ADK: variants seen among roughly 807,000 people sequenced by gnomAD.
The protein encoded by ADK is N6,N6-dimethyladenosine kinase.
Under a neutral mutation model 44.7 loss-of-function variants are expected in ADK, and 24 were observed. The observed-to-expected ratio is 0.54, with a 90% CI of 0.39 to 0.76. The LOEUF (loss-of-function observed/expected upper bound fraction) is 0.76, where lower values mean the gene tolerates loss of function less well. Among genes scored for constraint, ADK ranks in the 30% least tolerant of loss-of-function variants. ADK has a pLI of 0.00. For missense variants in ADK, 321 were observed against 425.1 expected, an observed-to-expected ratio of 0.76 and a Z score of 2.15; for synonymous variants, 128 against 142.6, an observed-to-expected ratio of 0.90 and a Z score of 0.73.
At chr10:74,284,746 A>G (rs1027898537) in intron 3 of ADK, among the ~76,000 whole-genome samples, 1 of 152,250 alleles carries the variant, frequency 6.6e-6, no homozygotes, top group African/African-American at 2.4e-5. Flanking sequence ...CTTGGTCTGT[A>G]TGGAATGTGT....
chr10:74,342,090 C>G (rs1207204088), intron 4 of ADK, among the ~76,000 whole-genome samples: 1 of 152,230 alleles, frequency 6.6e-6, no homozygotes, highest in Non-Finnish European at 1.5e-5. Context: ...TACATTAGCT[C>G]TCACCCACTC....
chr10:74,425,575 C>T (rs1371157056), intron 6 of ADK, among the ~76,000 whole-genome samples: 3 of 151,984 alleles, frequency 2.0e-5, no homozygotes, highest in South Asian at 2.1e-4. Context: ...GCTGATTTCA[C>T]GATACCAGCC....
intron 7 of ADK, among the ~76,000 whole-genome samples, chr10:74,526,529 C>T (rs1849048995): frequency 6.6e-6 from 1 of 152,126 alleles, no homozygotes; most frequent in Non-Finnish European, 1.5e-5. Context: ...TTCCATAGTT[C>T]TAACATAGTT....
chr10:74,267,927 GA>G (rs1041547231), intron 3 of ADK, among the ~76,000 whole-genome samples: 3 of 152,080 alleles, frequency 2.0e-5, no homozygotes, highest in Non-Finnish European at 2.9e-5. Context: ...TATGGATTAA[GA>G]GTGTTGAAGG....
At chr10:74,576,550 A>G (rs1026751668) in intron 7 of ADK, among the ~76,000 whole-genome samples, 15 of 152,172 alleles carry the variant, frequency 9.9e-5, no homozygotes, top group African/African-American at 3.6e-4. Context: ...GGAAAAAATG[A>G]GATCAAGTCC....
At chr10:74,221,441 C>T (rs963202640) in intron 2 of ADK, among the ~76,000 whole-genome samples, 1 of 152,118 alleles carries the variant, frequency 6.6e-6, no homozygotes, top group Non-Finnish European at 1.5e-5. Flanking sequence ...AATGGCCATA[C>T]TGCCCAAGGT....
chr10:74,281,444 C>T (rs946533377), intron 3 of ADK, among the ~76,000 whole-genome samples: 2 of 152,150 alleles, frequency 1.3e-5, no homozygotes, highest in African/African-American at 4.8e-5. Flanking sequence ...CTCTTATGAT[C>T]CTAGACATTA....
chr10:74,439,102 G>T (rs1217549254), intron 6 of ADK, among the ~76,000 whole-genome samples: 7 of 152,134 alleles, frequency 4.6e-5, no homozygotes, highest in African/African-American at 1.7e-4. Context: ...AGGTGAGAAA[G>T]TTATTACTTT....
intron 4 of ADK, among the ~76,000 whole-genome samples, chr10:74,365,585 C>G (rs1842472796): frequency 6.6e-6 from 1 of 152,110 alleles, no homozygotes; most frequent in Non-Finnish European, 1.5e-5. Context: ...TTGTAGAGTC[C>G]TTAGGTTTTC....
intron 4 of ADK, among the ~76,000 whole-genome samples, chr10:74,340,990 A>G (rs993212713): frequency 1.3e-5 from 2 of 152,178 alleles, no homozygotes; most frequent in Non-Finnish European, 2.9e-5. Context: ...TATTAACTCT[A>G]TTCATTAGAC....
At chr10:74,423,626 G>A (rs1443068725) in intron 6 of ADK, 1 of 368,594 alleles carries the variant, frequency 2.7e-6, no homozygotes, top group South Asian at 2.3e-5. Flanking sequence ...GCATAGTCCT[G>A]TGCTTCGTGG....
Position 74,525,386 on chromosome 10 carries a change from A to C in ADK, c.686A>C (p.Lys229Thr), listed in dbSNP as rs1251626192. 4 of 1,613,606 alleles carry C rather than the reference A, an allele frequency of 2.5e-6. No homozygotes were observed. Among genetic ancestry groups the C allele is most frequent in the Non-Finnish European group, 3.4e-6 (4 of 1,179,840 alleles). Residue 229 changes from lysine (K) to threonine (T), a missense_variant, in exon 7 of 11, where the codon AAA becomes ACA. Lys to Thr is a moderately conservative substitution (Grantham distance 78, BLOSUM62 -1). Coordinates refer to ENST00000539909, the MANE Select transcript of ADK (RefSeq NM_006721.4). ...ISQFYKESLM[K>T]VMPYVDILFG... Reference sequence around the variant, plus strand: ...CAGTTCTACAAGGAATCATTGATGAAAGTTATGCCTTATGTTGATATACTT... The same window carrying C: ...CAGTTCTACAAGGAATCATTGATGACAGTTATGCCTTATGTTGATATACTT...
chr10:74,576,725 C>T (rs896544458), intron 7 of ADK, among the ~76,000 whole-genome samples: 5 of 151,988 alleles, frequency 3.3e-5, no homozygotes, highest in African/African-American at 7.3e-5. Flanking sequence ...TTATAATGTT[C>T]GGTACAACAG....
At chr10:74,256,360 G>A (rs952057603) in intron 3 of ADK, among the ~76,000 whole-genome samples, 1 of 152,174 alleles carries the variant, frequency 6.6e-6, no homozygotes, top group Non-Finnish European at 1.5e-5. Context: ...GATTTGGCAA[G>A]AACTGATTGT....
At chr10:74,274,123 C>T (rs370668115) in intron 3 of ADK, among the ~76,000 whole-genome samples, 1 of 152,044 alleles carries the variant, frequency 6.6e-6, no homozygotes. Flanking sequence ...AATTGACATA[C>T]GACTTTTTAC....
At position 74,524,822 on chromosome 10, in the gene ADK, C is replaced by T. The variant is rs76490735; in HGVS notation, c.556-434C>T. 2.2e-3 allele frequency among the ~76,000 whole-genome samples: 329 copies of T among 152,278 alleles called. 1 individual carries two copies. Among genetic ancestry groups the T allele is most frequent in the African/African-American group, 7.3e-3 (304 of 41,562 alleles). On this transcript the variant is annotated intron_variant, in intron 6 of 10. Coordinates refer to ENST00000539909, the MANE Select transcript of ADK (RefSeq NM_006721.4). ...CTGAGGTAGGAGGATTGCTTTATCC[C>T]AGGAGTTCAGGACCAGCCTGGGCAA...
At chr10:74,642,524 A>T (rs979727964) in intron 9 of ADK, among the ~76,000 whole-genome samples, 1 of 152,030 alleles carries the variant, frequency 6.6e-6, no homozygotes, top group Non-Finnish European at 1.5e-5. Flanking sequence ...TTTTAAGAGA[A>T]AAAGTTTGAG....
chr10:74,690,491 G>A (rs112540243), intron 10 of ADK, among the ~76,000 whole-genome samples: 52 of 152,194 alleles, frequency 3.4e-4, no homozygotes, highest in Middle Eastern at 3.4e-3. Flanking sequence ...ATGAGACCCC[G>A]TCTCAAAAAA....
chr10:74,625,908 A>T (rs1853182213), intron 9 of ADK, among the ~76,000 whole-genome samples: 1 of 152,174 alleles, frequency 6.6e-6, no homozygotes, highest in South Asian at 2.1e-4. Flanking sequence ...TTATTCAAAG[A>T]AAAAGGGTAA....
Sources: allele counts gnomAD v4.1 joint callset (sites outside exome capture counted in the v4.1 genomes callset), GRCh38; gene constraint gnomAD v4.1.1; transcripts MANE v1.5; gene names NCBI Gene and HGNC (gene_info 2026-07-23, HGNC 2026-07-21).